ENTPD6: variants seen among roughly 807,000 people sequenced by gnomAD.
ENTPD6 encodes the protein CD39 antigen-like 2.
Under a neutral mutation model 61.5 loss-of-function variants are expected in ENTPD6, and 46 were observed. That is an observed-to-expected ratio of 0.75 (90% confidence interval 0.59 to 0.96). The LOEUF is 0.96. Among genes scored for constraint, ENTPD6 ranks in the 40% least tolerant of loss-of-function variants. ENTPD6 has a pLI of 0.00. For missense variants in ENTPD6, 612 were observed against 629.0 expected (o/e 0.97, Z 0.29); for synonymous variants, 252 against 255.5 (o/e 0.99, Z 0.13).
chr20:25,215,524 G>T, intron 6 of ENTPD6, 152 bp from the exon 7 acceptor site: 1 of 722,064 alleles, frequency 1.4e-6, no homozygotes. Context: ...TATGAGAAAT[G>T]CTCCTCTCTG....
chr20:25,198,129 T>C (rs2090669712), intron 1 of ENTPD6, among the ~76,000 whole-genome samples: 1 of 152,150 alleles, frequency 6.6e-6, no homozygotes, highest in Non-Finnish European at 1.5e-5. Flanking sequence ...ATATACCACC[T>C]GTGAATCTGA....
chr20:25,205,483 AGAG>A (rs767093537), intron 1 of ENTPD6, among the ~76,000 whole-genome samples: 30 of 152,036 alleles, frequency 2.0e-4, no homozygotes, highest in Non-Finnish European at 4.1e-4. Context: ...CAAGGACGAA[AGAG>A]GAGTGCGATG....
chr20:25,198,013 G>T (rs1363013388), intron 1 of ENTPD6, among the ~76,000 whole-genome samples: 1 of 152,142 alleles, frequency 6.6e-6, no homozygotes, highest in East Asian at 1.9e-4. Context: ...GGAAACCCAG[G>T]GCTGTGAGGC....
chr20:25,207,464 C>A, intron 3 of ENTPD6, 67 bp downstream of exon 3: 1 of 1,380,316 alleles, frequency 7.2e-7, no homozygotes, highest in Non-Finnish European at 9.7e-7. Context: ...GCCGGGTCCC[C>A]TGCCACAGAC....
chr20:25,206,270 A>T lies in ENTPD6; in HGVS notation c.-15-252A>T, dbSNP rs569881229. Among the ~76,000 whole-genome samples the T allele has an allele frequency of 7.0e-4, 107 of 152,254 alleles. 1 individual carries two copies. Among genetic ancestry groups the T allele is most frequent in the Non-Finnish European group, 3.1e-4 (21 of 68,020 alleles). On this transcript the variant is annotated intron_variant, in intron 1 of 14. Transcript: ENST00000376652. ...GCCACTCACCAGGACCGACTGAGAG[A>T]GTGAGGGAGGGACAGGCTGATGGAC...
chr20:25,223,083 C>A, intron 12 of ENTPD6, 105 bp downstream of exon 12: 1 of 1,331,428 alleles, frequency 7.5e-7, no homozygotes, highest in Non-Finnish European at 1.0e-6. Flanking sequence ...GCAAGCAACC[C>A]TGTTGTCACA....
intron 7 of ENTPD6, 149 bp downstream of exon 7, chr20:25,215,860 G>C (rs1186937125): frequency 2.1e-5 from 17 of 821,782 alleles, no homozygotes; most frequent in Non-Finnish European, 3.3e-5. Context: ...TAGGGTGTTG[G>C]GGATGGGTGG....
At chr20:25,204,053 C>T (rs2091267753) in intron 1 of ENTPD6, among the ~76,000 whole-genome samples, 1 of 152,180 alleles carries the variant, frequency 6.6e-6, no homozygotes, top group Non-Finnish European at 1.5e-5. Context: ...CTCTTACTTT[C>T]ATTATGAATA....
chr20:25,198,600 C>G (rs1600479592), intron 1 of ENTPD6, among the ~76,000 whole-genome samples: 1 of 152,120 alleles, frequency 6.6e-6, no homozygotes, highest in African/African-American at 2.4e-5. Flanking sequence ...AGAACTTTCT[C>G]TAGAAATATT....
Position 25,195,840 on chromosome 20 carries a change from G to A in ENTPD6, c.-43G>A. ...TCCCCGGAAAAGGGCACTCGTCTCC[G>A]TGGGTGTGGCGGAGCGCGCGGTGCA... On this transcript the variant is annotated 5_prime_UTR_variant, in exon 1 of 15. In the 5' UTR this introduces an upstream ATG that the reference lacks. Coordinates refer to ENST00000376652, the MANE Select transcript of ENTPD6 (RefSeq NM_001247.5). The A allele has an allele frequency of 3.2e-6, 4 of 1,239,410 alleles. No homozygotes were observed. Among genetic ancestry groups the A allele is most frequent in the Non-Finnish European group, 4.0e-6 (4 of 988,558 alleles). 76.8% of individuals were successfully genotyped at this position (1,239,410 alleles called of 1,614,324 possible). A position where few individuals can be genotyped will look rare whatever the true frequency, so the allele number is the denominator to read the frequency against.
In ENTPD6 at chr20:25,213,336, C is replaced by T. The variant is rs1568626979; in HGVS notation, c.527C>T (p.Pro176Leu). 6.2e-7 allele frequency: 1 copy of T among 1,614,234 alleles called. No individual in the cohort carries two copies. The highest frequency in any genetic ancestry group is 8.5e-7 in the Non-Finnish European group (1 of 1,180,042). Reference protein sequence around the residue: ...DIPFDFWKATPLVLKATAGLR... With the variant: ...DIPFDFWKATLLVLKATAGLR... ...CCGTTCGACTTCTGGAAGGCCACCC[C>T]TCTGGTCCTCAAGGCCACAGCTGGC... The change falls in exon 5 of 15, where the codon CCT (proline) becomes CTT (leucine). Residue 176 changes from proline to leucine, a missense_variant. Coordinates refer to ENST00000376652, the MANE Select transcript of ENTPD6 (RefSeq NM_001247.5).
chr20:25,196,924 C>T (rs928251729), intron 1 of ENTPD6, among the ~76,000 whole-genome samples: 3 of 152,254 alleles, frequency 2.0e-5, no homozygotes, highest in East Asian at 1.9e-4. Flanking sequence ...GGGAGGTGGG[C>T]AGCCCTTTGT....
intron 13 of ENTPD6, 152 bp from the exon 14 acceptor site, chr20:25,225,053 G>C: frequency 8.0e-7 from 1 of 1,253,936 alleles, no homozygotes; most frequent in Non-Finnish European, 1.1e-6. Flanking sequence ...GCTGTGCACT[G>C]GGTGCCTTCT....
intron 2 of ENTPD6, 122 bp from the exon 3 acceptor site, chr20:25,206,954 C>T (rs1226097061): frequency 2.3e-6 from 2 of 854,716 alleles, no homozygotes; most frequent in Admixed American, 5.0e-5. Flanking sequence ...GCTTCTGATT[C>T]CTGGGGGGAA....
At chr20:25,217,702 A>G in intron 9 of ENTPD6, 121 bp downstream of exon 9, 2 of 820,542 alleles carry the variant, frequency 2.4e-6, no homozygotes, top group Non-Finnish European at 4.1e-6. Flanking sequence ...CTGGGAATCC[A>G]CCCAGACCTC....
At chr20:25,206,964 A>G (rs537348651) in intron 2 of ENTPD6, 112 bp from the exon 3 acceptor site, 5 of 917,068 alleles carry the variant, frequency 5.5e-6, no homozygotes, top group East Asian at 2.5e-5. Flanking sequence ...CCTGGGGGGA[A>G]CACGGAGCAG....
Position 25,221,308 on chromosome 20 carries a change from G to A in ENTPD6, c.1020G>A (p.Thr340=), listed in dbSNP as rs148358000. The change falls in exon 11 of 15, where the codon ACG becomes ACA. Residue 340 remains threonine (T), a synonymous_variant. Transcript: ENST00000376652. ...GAGAGTGGGAACACGCAGAAGTCAC[G>A]TACAGGGTTTCAGGGCAGAAAGCAG... The part of the protein sequence containing the change: ...FKGEWEHAEV[T]YRVSGQKAAA... 55 of 1,614,056 alleles carry A rather than the reference G, an allele frequency of 3.4e-5. No individual in the cohort carries two copies. Among genetic ancestry groups the A allele is most frequent in the African/African-American group, 2.7e-4 (20 of 74,942 alleles).
At chr20:25,223,071 A>C (rs1175478874) in intron 12 of ENTPD6, 93 bp downstream of exon 12, 1 of 1,447,758 alleles carries the variant, frequency 6.9e-7, no homozygotes, top group Non-Finnish European at 9.3e-7. Context: ...GGCTGGTGGC[A>C]GGCAAGCAAC....
At chr20:25,215,237 T>C (rs931929570) in intron 6 of ENTPD6, among the ~76,000 whole-genome samples, 1 of 152,250 alleles carries the variant, frequency 6.6e-6, no homozygotes, top group Non-Finnish European at 1.5e-5. Flanking sequence ...TTAAGAACAT[T>C]TGGAGAGAAT....
Sources: gnomAD v4.1 joint callset for allele counts (sites outside exome capture counted in the v4.1 genomes callset) on GRCh38, gnomAD v4.1.1 for gene constraint, MANE v1.5 for transcripts, NCBI Gene and HGNC (gene_info 2026-07-23, HGNC 2026-07-21) for gene names.